Variants in SCAMP1 observed in about 807,000 individuals in gnomAD.
SCAMP1 encodes the protein secretory carrier-associated membrane protein 1.
SCAMP1 carries 15 observed loss-of-function variants against 41.8 expected under a neutral mutation model. The ratio of observed to expected loss-of-function variants is 0.36; its 90% CI spans 0.24 to 0.55. The LOEUF is 0.55. Among genes scored for constraint, SCAMP1 ranks in the 20% least tolerant of loss-of-function variants. SCAMP1 has a pLI of 0.86. For synonymous variants in SCAMP1, 135 were observed against 136.8 expected (o/e 0.99, Z 0.09); for missense variants, 341 against 412.6 (o/e 0.83, Z 1.50).
At chr5:78,398,283 T>G (rs1751704123) in intron 2 of SCAMP1, among the ~76,000 whole-genome samples, 1 of 150,474 alleles carries the variant, frequency 6.6e-6, no homozygotes, top group Non-Finnish European at 1.5e-5. Context: ...TTCACCATTA[T>G]CAAACAATTG....
intron 6 of SCAMP1, among the ~76,000 whole-genome samples, chr5:78,430,140 CAGTA>C (rs1437640936): frequency 0.016 from 744 of 47,832 alleles, 50 homozygotes; most frequent in African/African-American, 0.053. Context: ...TTTATAAATA[CAGTA>C]TTTATTTATA....
intron 1 of SCAMP1, 44 bp from the exon 2 acceptor site, chr5:78,388,793 A>C (rs745308900): frequency 3.9e-6 from 4 of 1,031,288 alleles, no homozygotes; most frequent in African/African-American, 1.6e-5. Context: ...ATTATTTTTT[A>C]AAGGATAAGT....
chr5:78,424,472 G>A (rs1752416853), intron 6 of SCAMP1, among the ~76,000 whole-genome samples: 1 of 151,994 alleles, frequency 6.6e-6, no homozygotes, highest in Non-Finnish European at 1.5e-5. Context: ...GCTCATGCCT[G>A]TAATCCCAGC....
At chr5:78,443,699 A>C (rs534967194) in intron 6 of SCAMP1, among the ~76,000 whole-genome samples, 1 of 112,816 alleles carries the variant, frequency 8.9e-6, no homozygotes, top group Non-Finnish European at 1.7e-5. Flanking sequence ...TCATTCTGTC[A>C]CCCAGGCTGG....
rs1301158709 is a variant in SCAMP1, at chr5:78,463,701, C to T, written c.852+4339C>T. Among the ~76,000 whole-genome samples the T allele has an allele frequency of 2.6e-5, 4 of 152,212 alleles. No homozygotes were observed. The East Asian group carries it at 5.8e-4, about 22-fold the overall frequency. ...ATATATAGAGACAGAAAATGTATTA[C>T]AGCTTGCCTGTGGCTTATGGGTGGG... On this transcript the variant is annotated intron_variant, in intron 8 of 8. Transcript: ENST00000621999.
chr5:78,473,052 T>C (rs1753922900), intron 8 of SCAMP1, among the ~76,000 whole-genome samples: 1 of 152,192 alleles, frequency 6.6e-6, no homozygotes, highest in Non-Finnish European at 1.5e-5. Context: ...GTGATTTATC[T>C]ATATCTTTAA....
chr5:78,441,698 C>T (rs1335531745), intron 6 of SCAMP1, among the ~76,000 whole-genome samples: 2 of 152,138 alleles, frequency 1.3e-5, no homozygotes, highest in East Asian at 1.9e-4. Flanking sequence ...CATGGTGGCA[C>T]GTGCCTGTAA....
At chr5:78,373,716 A>G (rs1381682235) in intron 1 of SCAMP1, among the ~76,000 whole-genome samples, 1 of 152,116 alleles carries the variant, frequency 6.6e-6, no homozygotes, top group Non-Finnish European at 1.5e-5. Flanking sequence ...ACTACAAAAT[A>G]GAGTGTGAAA....
chr5:78,446,403 TA>T (rs1187361929), intron 6 of SCAMP1, among the ~76,000 whole-genome samples: 1 of 152,164 alleles, frequency 6.6e-6, no homozygotes, highest in Non-Finnish European at 1.5e-5. Context: ...CTGTAGACAT[TA>T]TTCAGCCCCT....
intron 2 of SCAMP1, among the ~76,000 whole-genome samples, chr5:78,412,755 A>T (rs1752112150): frequency 6.6e-6 from 1 of 151,972 alleles, no homozygotes; most frequent in Non-Finnish European, 1.5e-5. Flanking sequence ...TTGTATTTTC[A>T]TGGATTTGTA....
chr5:78,452,986 T>C (rs1257022929), intron 7 of SCAMP1, among the ~76,000 whole-genome samples: 1 of 148,544 alleles, frequency 6.7e-6, no homozygotes, highest in African/African-American at 2.5e-5. Flanking sequence ...ATGTCTTCTT[T>C]TGAGAAGTGT....
chr5:78,474,577 C>G (rs1232911033), intron 8 of SCAMP1, among the ~76,000 whole-genome samples: 2 of 152,136 alleles, frequency 1.3e-5, no homozygotes, highest in Non-Finnish European at 2.9e-5. Flanking sequence ...GTTACCAGTT[C>G]CTATCCAGGT....
Position 78,388,838 on chromosome 5 carries a change from A to G in SCAMP1, c.59A>G (p.Asp20Gly), listed in dbSNP as rs1477915991. 6.7e-7 allele frequency: 1 copy of G among 1,498,912 alleles called. No individual in the cohort carries two copies. Among genetic ancestry groups the G allele is most frequent in the South Asian group, 1.2e-5 (1 of 84,936 alleles). 92.9% of individuals were successfully genotyped at this position (1,498,912 alleles called of 1,614,324 possible). ...TTTCTCCTTTGAATTTTATTCTAGG[A>G]TCCATCAGTTACACAAGTGACAAGA... is the stretch of plus-strand genomic sequence containing the variant. Reference protein sequence around the residue: ...ADPDLNNPFKDPSVTQVTRNV... With the variant: ...ADPDLNNPFKGPSVTQVTRNV... The change falls in exon 2 of 9, where the codon GAT becomes GGT. Residue 20 changes from aspartate (D) to glycine (G), a missense_variant and splice_region_variant. By Grantham distance (94) the Asp-to-Gly change is moderately conservative. Coordinates refer to ENST00000621999, the MANE Select transcript of SCAMP1 (RefSeq NM_004866.6).
chr5:78,391,930 A>T (rs2112092236), intron 2 of SCAMP1, among the ~76,000 whole-genome samples: 1 of 152,028 alleles, frequency 6.6e-6, no homozygotes, highest in South Asian at 2.1e-4. Flanking sequence ...TCAGGCAGGG[A>T]GGTTGCAGTG....
chr5:78,421,851 T>C lies in SCAMP1; in HGVS notation c.523T>C (p.Cys175Arg). The change falls in exon 6 of 9, where the codon TGT becomes CGT. Residue 175 changes from cysteine (C) to arginine (R), a missense_variant. Physicochemically the swap from Cys to Arg is radical, Grantham distance 180. Coordinates refer to ENST00000621999, the MANE Select transcript of SCAMP1 (RefSeq NM_004866.6). ...TATCTTCGGATGCTTGGCTTGGTTT[T>C]GTGTTGATTCTGCAAGAGCGGTTGA... ...LNIFGCLAWF[C>R]VDSARAVDFG... 2 of 1,613,896 alleles carry C rather than the reference T, an allele frequency of 1.2e-6. No individual in the cohort carries two copies. Among genetic ancestry groups the C allele is most frequent in the Admixed American group, 3.3e-5 (2 of 60,022 alleles).
intron 2 of SCAMP1, among the ~76,000 whole-genome samples, chr5:78,415,291 A>T (rs1752183228): frequency 6.6e-6 from 1 of 152,154 alleles, no homozygotes; most frequent in African/African-American, 2.4e-5. Flanking sequence ...AGTGTTTGTC[A>T]TATAGTGTTA....
At chr5:78,458,870 C>T (rs895207900) in intron 7 of SCAMP1, among the ~76,000 whole-genome samples, 2 of 152,002 alleles carry the variant, frequency 1.3e-5, no homozygotes, top group Admixed American at 6.6e-5. Flanking sequence ...ACAGAGCGAG[C>T]TTCTGTCTCA....
chr5:78,383,608 A>G, intron 1 of SCAMP1, among the ~76,000 whole-genome samples: 1 of 152,140 alleles, frequency 6.6e-6, no homozygotes, highest in East Asian at 1.9e-4. Flanking sequence ...TGATTTTTGT[A>G]TAAGGTGAGA....
intron 7 of SCAMP1, among the ~76,000 whole-genome samples, chr5:78,459,017 T>C (rs115630561): frequency 1.4e-3 from 220 of 152,360 alleles, no homozygotes; most frequent in African/African-American, 5.0e-3. Flanking sequence ...ATTTATAAGC[T>C]GTGTGACCTC....
Sources: allele counts gnomAD v4.1 joint callset (sites outside exome capture counted in the v4.1 genomes callset), GRCh38; gene constraint gnomAD v4.1.1; transcripts MANE v1.5; gene names NCBI Gene and HGNC (gene_info 2026-07-23, HGNC 2026-07-21).